Variants in TRPM3 observed in about 807,000 individuals in gnomAD.
TRPM3 encodes the protein transient receptor potential cation channel subfamily M member 3, also known as long transient receptor potential channel 3.
Under a neutral mutation model 181.2 loss-of-function variants are expected in TRPM3, and 77 were observed. That is an observed-to-expected ratio of 0.42 (90% CI 0.35 to 0.51). TRPM3 has a LOEUF of 0.51. Ranked by LOEUF, TRPM3 falls within the 20% of genes least tolerant of loss-of-function variation. The pLI is 0.01. For synonymous variants in TRPM3, 745 were observed against 796.4 expected (o/e 0.94, Z 1.09); for missense variants, 1,759 against 2,196.7 (o/e 0.80, Z 3.98).
At chr9:71,262,144 G>C (rs1464013969) in intron 1 of TRPM3, among the ~76,000 whole-genome samples, 1 of 152,204 alleles carries the variant, frequency 6.6e-6, no homozygotes, top group Non-Finnish European at 1.5e-5. Flanking sequence ...AGGGAGATGA[G>C]AGTTTTATCT....
At chr9:71,250,604 T>C (rs1232823072) in intron 1 of TRPM3, among the ~76,000 whole-genome samples, 5 of 152,096 alleles carry the variant, frequency 3.3e-5, no homozygotes, top group African/African-American at 4.8e-5. Flanking sequence ...ATGAGCAAAA[T>C]AGATAAGGAT....
chr9:71,416,474 T>C (rs1212616453), intron 1 of TRPM3, among the ~76,000 whole-genome samples: 2 of 151,918 alleles, frequency 1.3e-5, no homozygotes, highest in African/African-American at 4.8e-5. Context: ...TAAAATAAGA[T>C]ATTGTTTGCC....
In TRPM3 at chr9:70,536,945, TG is replaced by T; in HGVS notation, c.4167del (p.Ala1391LeufsTer22). The T allele has an allele frequency of 6.2e-7, 1 of 1,614,158 alleles. No individual in the cohort carries two copies. Among genetic ancestry groups the T allele is most frequent in the South Asian group, 1.1e-5 (1 of 91,082 alleles). ...GTGTTGGCAGGGGCTGCAGGAGCTT[TG>T]GGTTCTTTTGCTACAGAGTGGGAAC... ...ATSSHSVAKE[P>X]KAPAAPANTL... On this transcript the variant is annotated frameshift_variant, in exon 26 of 26. Coordinates refer to ENST00000677713, the MANE Select transcript of TRPM3 (RefSeq NM_001366145.2). LOFTEE classifies it high-confidence loss of function.
chr9:70,563,594 G>A (rs2132040006), intron 22 of TRPM3, among the ~76,000 whole-genome samples: 1 of 152,246 alleles, frequency 6.6e-6, no homozygotes, highest in Middle Eastern at 3.4e-3. Context: ...TTTGTGTTTA[G>A]AAATAAAACA....
At chr9:70,897,903 C>T (rs2096304810) in intron 1 of TRPM3, among the ~76,000 whole-genome samples, 1 of 152,128 alleles carries the variant, frequency 6.6e-6, no homozygotes, top group South Asian at 2.1e-4. Flanking sequence ...GCAAGGCTCA[C>T]GTTGTGTAGG....
intron 1 of TRPM3, among the ~76,000 whole-genome samples, chr9:71,012,330 ATTT>A (rs765163666): frequency 6.6e-6 from 1 of 150,646 alleles, no homozygotes; most frequent in Admixed American, 6.6e-5. Flanking sequence ...TTATTTTTTG[ATTT>A]TTTTATTTCA....
intron 1 of TRPM3, among the ~76,000 whole-genome samples, chr9:71,419,100 A>G (rs904192227): frequency 5.3e-5 from 8 of 151,526 alleles, no homozygotes; most frequent in Non-Finnish European, 1.5e-5. Flanking sequence ...AAAATGTAAA[A>G]TATTGGAGCT....
chr9:70,640,039 G>C (rs2057815532), intron 10 of TRPM3, among the ~76,000 whole-genome samples: 1 of 152,124 alleles, frequency 6.6e-6, no homozygotes, highest in African/African-American at 2.4e-5. Flanking sequence ...AGTCAATTGA[G>C]GGAAGCAAAC....
chr9:70,865,990 T>C (rs1014462056), intron 1 of TRPM3, among the ~76,000 whole-genome samples: 2 of 152,056 alleles, frequency 1.3e-5, no homozygotes, highest in African/African-American at 4.8e-5. Context: ...ATTCCCAATG[T>C]CTAGTCTCAA....
intron 1 of TRPM3, among the ~76,000 whole-genome samples, chr9:70,891,596 G>T (rs2096204006): frequency 6.6e-6 from 1 of 151,998 alleles, no homozygotes; most frequent in Non-Finnish European, 1.5e-5. Context: ...AAAATGAACA[G>T]CAATAGCAAA....
At chr9:71,414,449 C>T (rs1186131817) in intron 1 of TRPM3, among the ~76,000 whole-genome samples, 1 of 152,002 alleles carries the variant, frequency 6.6e-6, no homozygotes, top group Non-Finnish European at 1.5e-5. Flanking sequence ...TGATAGAGAA[C>T]TAATATGAAC....
chr9:71,426,377 CTTGT>C (rs1248202541), intron 1 of TRPM3, among the ~76,000 whole-genome samples: 1 of 151,248 alleles, frequency 6.6e-6, no homozygotes, highest in Non-Finnish European at 1.5e-5. Context: ...TATTACCTAA[CTTGT>C]TTTTCTCAAT....
Position 71,272,731 on chromosome 9 carries a change from A to T in TRPM3, c.183+173922T>A, listed in dbSNP as rs72614631. On this transcript the variant is annotated intron_variant, in intron 1 of 24. Transcript: ENST00000357533. Reference sequence around the variant, plus strand: ...TACTATACTTTTATCATTTTGTATGATCATATATTTTTTAGTGTTATATTA... The same window carrying T: ...TACTATACTTTTATCATTTTGTATGTTCATATATTTTTTAGTGTTATATTA... Among the ~76,000 whole-genome samples the T allele has an allele frequency of 4.8e-3, 671 of 138,410 alleles. 10 individuals carry two copies. In the East Asian group the frequency reaches 0.087, roughly 18 times the overall value. 90.8% of individuals were successfully genotyped at this position (138,410 alleles called of 152,430 possible).
intron 1 of TRPM3, among the ~76,000 whole-genome samples, chr9:71,051,953 C>G (rs1341102641): frequency 1.3e-5 from 2 of 151,990 alleles, no homozygotes; most frequent in Non-Finnish European, 2.9e-5. Flanking sequence ...GTTTCCGTAT[C>G]TCGAAGAAAA....
chr9:71,361,306 C>G (rs561897835), intron 1 of TRPM3, among the ~76,000 whole-genome samples: 1 of 152,242 alleles, frequency 6.6e-6, no homozygotes, highest in East Asian at 1.9e-4. Context: ...TAATAAATAT[C>G]TCAGGACACT....
intron 1 of TRPM3, among the ~76,000 whole-genome samples, chr9:71,396,618 A>G (rs994781189): frequency 2.0e-5 from 3 of 152,044 alleles, no homozygotes; most frequent in African/African-American, 7.2e-5. Flanking sequence ...CTGAGAACCA[A>G]ATCTAAAAAG....
At chr9:71,440,386 C>T (rs1484162931) in intron 1 of TRPM3, among the ~76,000 whole-genome samples, 1 of 152,188 alleles carries the variant, frequency 6.6e-6, no homozygotes, top group Non-Finnish European at 1.5e-5. Flanking sequence ...TCTCATCTAA[C>T]TTGTCTCCCA....
intron 1 of TRPM3, among the ~76,000 whole-genome samples, chr9:70,866,664 A>T (rs1415432749): frequency 6.6e-6 from 1 of 151,958 alleles, no homozygotes; most frequent in Non-Finnish European, 1.5e-5. Flanking sequence ...GATGATAGGA[A>T]CCCACAAGCC....
intron 1 of TRPM3, among the ~76,000 whole-genome samples, chr9:71,180,176 T>C (rs1427990856): frequency 6.7e-6 from 1 of 149,914 alleles, no homozygotes; most frequent in Non-Finnish European, 1.5e-5. Flanking sequence ...TGTCTCAGCC[T>C]CCTGAGTAGC....
Sources: allele counts gnomAD v4.1 joint callset (sites outside exome capture counted in the v4.1 genomes callset), GRCh38; gene constraint gnomAD v4.1.1; transcripts MANE v1.5; gene names NCBI Gene and HGNC (gene_info 2026-07-23, HGNC 2026-07-21).